Variants in DACH1 observed in about 807,000 individuals in gnomAD.
DACH1 encodes dachshund family transcription factor 1.
DACH1 carries 12 observed loss-of-function variants against 54.2 expected under a neutral mutation model. The ratio of observed to expected loss-of-function variants is 0.22; its 90% confidence interval spans 0.14 to 0.36. The LOEUF (loss-of-function observed/expected upper bound fraction) is 0.36, where lower values mean the gene tolerates loss of function less well. Among genes scored for constraint, DACH1 ranks in the 10% least tolerant of loss-of-function variants. DACH1 has a pLI of 1.00. For missense variants in DACH1, 805 were observed against 929.8 expected (o/e 0.87, Z 1.75); for synonymous variants, 386 against 366.2 (o/e 1.05, Z -0.62).
intron 6 of DACH1, among the ~76,000 whole-genome samples, chr13:71,550,785 T>A (rs1236635654): frequency 6.6e-6 from 1 of 152,078 alleles, no homozygotes; most frequent in African/African-American, 2.4e-5. Context: ...ATCACAGAAC[T>A]AAAAGTGATG....
At chr13:71,762,071 T>C (rs1205991766) in intron 1 of DACH1, among the ~76,000 whole-genome samples, 2 of 152,194 alleles carry the variant, frequency 1.3e-5, no homozygotes, top group African/African-American at 2.4e-5. Context: ...GTCTGTATTG[T>C]TATGTTAATT....
chr13:71,826,091 T>C (rs1364458845), intron 1 of DACH1, among the ~76,000 whole-genome samples: 1 of 152,116 alleles, frequency 6.6e-6, no homozygotes, highest in Non-Finnish European at 1.5e-5. Flanking sequence ...AAATGTGTAT[T>C]CAAATATCCA....
At chr13:71,496,462 A>G (rs1464475546) in intron 6 of DACH1, among the ~76,000 whole-genome samples, 3 of 151,624 alleles carry the variant, frequency 2.0e-5, no homozygotes, top group African/African-American at 7.3e-5. Flanking sequence ...CAAGTCAGTT[A>G]TAGAAAGATG....
intron 1 of DACH1, among the ~76,000 whole-genome samples, chr13:71,769,556 T>C (rs1317961964): frequency 6.6e-6 from 1 of 151,630 alleles, no homozygotes; most frequent in African/African-American, 2.4e-5. Flanking sequence ...TGAGGGTCAC[T>C]TTTCTGAAAA....
chr13:71,679,205 CTG>C (rs367733877), intron 2 of DACH1, among the ~76,000 whole-genome samples: 14 of 152,264 alleles, frequency 9.2e-5, no homozygotes, highest in African/African-American at 3.4e-4. Flanking sequence ...TTCGGTGTCT[CTG>C]TTCACCAAGC....
At chr13:71,790,210 CT>C (rs1016461486) in intron 1 of DACH1, among the ~76,000 whole-genome samples, 3 of 151,712 alleles carry the variant, frequency 2.0e-5, no homozygotes, top group Admixed American at 6.6e-5. Context: ...TTGAAACAGA[CT>C]TTTTTTTTCT....
chr13:71,726,067 A>T (rs1490164633), intron 1 of DACH1, among the ~76,000 whole-genome samples: 2 of 152,128 alleles, frequency 1.3e-5, no homozygotes, highest in African/African-American at 4.8e-5. Flanking sequence ...ATGCAATTTC[A>T]GTTGAGGTCC....
chr13:71,841,582 T>A (rs116288073), intron 1 of DACH1, among the ~76,000 whole-genome samples: 56 of 152,320 alleles, frequency 3.7e-4, no homozygotes, highest in African/African-American at 1.3e-3. Context: ...AAATTAAATT[T>A]AGTTACAGCT....
chr13:71,549,304 C>A (rs531391809), intron 6 of DACH1, among the ~76,000 whole-genome samples: 1 of 152,194 alleles, frequency 6.6e-6, no homozygotes, highest in Admixed American at 6.5e-5. Flanking sequence ...AAAATATTAT[C>A]TATTTGCACA....
chr13:71,859,431 A>G (rs4884966), intron 1 of DACH1, among the ~76,000 whole-genome samples: 12,367 of 151,846 alleles, frequency 0.081, 837 homozygotes, highest in Admixed American at 0.23. Flanking sequence ...ATATTTTTTA[A>G]TTGGACATTT....
intron 5 of DACH1, 103 bp from the exon 6 acceptor site, chr13:71,557,261 A>G: frequency 1.2e-6 from 1 of 822,174 alleles, no homozygotes; most frequent in South Asian, 3.1e-5. Context: ...AACAGTAACT[A>G]TAATATTAAT....
chr13:71,705,495 T>A (rs529628317), intron 1 of DACH1, among the ~76,000 whole-genome samples: 1 of 152,142 alleles, frequency 6.6e-6, no homozygotes. Flanking sequence ...TTAACATCAT[T>A]TAGAACTCAT....
chr13:71,572,531 T>G (rs1159756997), intron 4 of DACH1, among the ~76,000 whole-genome samples: 1 of 152,074 alleles, frequency 6.6e-6, no homozygotes, highest in African/African-American at 2.4e-5. Context: ...TCTCCACACA[T>G]AAATGCTCAT....
At chr13:71,845,785 A>C (rs982153244) in intron 1 of DACH1, among the ~76,000 whole-genome samples, 3 of 152,220 alleles carry the variant, frequency 2.0e-5, no homozygotes, top group African/African-American at 4.8e-5. Context: ...CCACTATCTG[A>C]AGATATAAAT....
intron 3 of DACH1, among the ~76,000 whole-genome samples, chr13:71,589,655 T>C (rs886168623): frequency 2.0e-5 from 3 of 151,934 alleles, no homozygotes; most frequent in African/African-American, 7.2e-5. Context: ...TTCATTGATA[T>C]TGACGTTTTG....
At chr13:71,794,265 T>G (rs955536081) in intron 1 of DACH1, among the ~76,000 whole-genome samples, 2 of 152,102 alleles carry the variant, frequency 1.3e-5, no homozygotes, top group Non-Finnish European at 2.9e-5. Context: ...TTTTCCTGTA[T>G]CAATCTCCCA....
At chr13:71,692,429 A>G (rs1199586985) in intron 1 of DACH1, among the ~76,000 whole-genome samples, 1 of 150,652 alleles carries the variant, frequency 6.6e-6, no homozygotes, top group Non-Finnish European at 1.5e-5. Context: ...TATTAGTCAA[A>G]CATCTTTAGG....
At chr13:71,710,948 T>G (rs1356326187) in intron 1 of DACH1, among the ~76,000 whole-genome samples, 1 of 152,186 alleles carries the variant, frequency 6.6e-6, no homozygotes, top group Non-Finnish European at 1.5e-5. Context: ...TACAGCTGTT[T>G]AGTTCACTGG....
chr13:71,643,096 G>A (rs1297264384), intron 2 of DACH1, among the ~76,000 whole-genome samples: 1 of 152,048 alleles, frequency 6.6e-6, no homozygotes, highest in Non-Finnish European at 1.5e-5. Context: ...TTAAGATGAA[G>A]TTATTAAATA....
Sources: allele counts gnomAD v4.1 joint callset (sites outside exome capture counted in the v4.1 genomes callset), GRCh38; gene constraint gnomAD v4.1.1; transcripts MANE v1.5; gene names NCBI Gene and HGNC (gene_info 2026-07-23, HGNC 2026-07-21).